Variants in ZBTB46 observed in about 807,000 individuals in gnomAD.
The protein encoded by ZBTB46 is zinc finger and BTB domain containing 46.
Under a neutral mutation model 44.1 loss-of-function variants are expected in ZBTB46, and 8 were observed. The ratio of observed to expected loss-of-function variants is 0.18; its 90% confidence interval spans 0.11 to 0.33. The LOEUF is 0.33. Ranked by LOEUF, ZBTB46 falls within the 10% of genes least tolerant of loss-of-function variation. The probability of loss-of-function intolerance (pLI) is 1.00; values close to 1 mark genes in which losing one functional copy is unlikely to be tolerated. For synonymous variants in ZBTB46, 409 were observed against 382.3 expected, an observed-to-expected ratio of 1.07 and a Z score of -0.81; for missense variants, 651 against 847.7, an observed-to-expected ratio of 0.77 and a Z score of 2.88.
chr20:63,816,097 G>C (rs1282527392), intron 1 of ZBTB46, among the ~76,000 whole-genome samples: 2 of 147,812 alleles, frequency 1.4e-5, no homozygotes. Context: ...CACAGGTGCA[G>C]TGGGCGCAGG....
intron 1 of ZBTB46, among the ~76,000 whole-genome samples, chr20:63,828,324 G>C (rs891332028): frequency 6.6e-6 from 1 of 152,240 alleles, no homozygotes; most frequent in Admixed American, 6.5e-5. Context: ...CGCGGCAGAC[G>C]GCAAGAGGAC....
At chr20:63,782,861 G>C (rs944089197) in intron 2 of ZBTB46, among the ~76,000 whole-genome samples, 3 of 152,268 alleles carry the variant, frequency 2.0e-5, no homozygotes, top group Non-Finnish European at 2.9e-5. Flanking sequence ...CCAGCACCAT[G>C]GGAGGCCCAG....
chr20:63,815,835 G>A (rs1195105958), intron 1 of ZBTB46, among the ~76,000 whole-genome samples: 1 of 141,762 alleles, frequency 7.1e-6, no homozygotes, highest in Non-Finnish European at 1.5e-5. Flanking sequence ...GTGCAGGTGA[G>A]CACAGGTGCA....
At chr20:63,765,023 ATTC>A (rs1243073631) in intron 3 of ZBTB46, among the ~76,000 whole-genome samples, 1 of 124,562 alleles carries the variant, frequency 8.0e-6, no homozygotes, top group Admixed American at 8.6e-5. Context: ...GGTTCAAGTG[ATTC>A]TTGTGTGTGT....
chr20:63,763,642 C>A (rs2092295326), intron 3 of ZBTB46, among the ~76,000 whole-genome samples: 1 of 152,210 alleles, frequency 6.6e-6, no homozygotes. Flanking sequence ...TCCCACCAGG[C>A]ACCACGTCCA....
At chr20:63,820,037 C>T (rs1413991436) in intron 1 of ZBTB46, among the ~76,000 whole-genome samples, 3 of 152,154 alleles carry the variant, frequency 2.0e-5, no homozygotes, top group South Asian at 2.1e-4. Flanking sequence ...CAGTGTATGA[C>T]GTTAGCAACG....
Position 63,789,957 on chromosome 20 carries a change from C to G in ZBTB46, c.801G>C (p.Thr267=). Residue 267 remains threonine, a synonymous_variant, in exon 2 of 5, where the codon ACG becomes ACC. Transcript: ENST00000245663. ...TGTTTTTCCGATTCTTCCTTCGGCC[C>G]GTGGGCTGCCAGGCATCACCAGCAC... ...EQSAGDAWQP[T]GRRKNRKNKE... is the part of the protein sequence containing the mutation. 1 of 1,614,124 alleles carries G rather than the reference C, an allele frequency of 6.2e-7. No individual in the cohort carries two copies. The highest frequency in any genetic ancestry group is 8.5e-7 in the Non-Finnish European group (1 of 1,180,042).
chr20:63,789,323 A>G (rs2092540658), intron 2 of ZBTB46, among the ~76,000 whole-genome samples: 1 of 152,170 alleles, frequency 6.6e-6, no homozygotes, highest in African/African-American at 2.4e-5. Flanking sequence ...GTTTCCATTC[A>G]ACATTCACTA....
chr20:63,794,819 C>CCACAAAACACACCGCTGTT, intron 1 of ZBTB46, among the ~76,000 whole-genome samples: 1 of 152,252 alleles, frequency 6.6e-6, no homozygotes, highest in East Asian at 2.0e-4. Context: ...ACACCCCTGG[C>CCACAAAACACACCGCTGTT]CACAGGACAC....
chr20:63,791,194 GA>G (rs1384617268), intron 1 of ZBTB46, among the ~76,000 whole-genome samples: 1 of 152,140 alleles, frequency 6.6e-6, no homozygotes, highest in Non-Finnish European at 1.5e-5. Flanking sequence ...CATTCTTAAG[GA>G]AAAAGAATAA....
rs1328469265 is a variant in ZBTB46 at position 63,803,964 on chromosome 20, G to C, written c.-33-13174C>G. On this transcript the variant is annotated intron_variant, in intron 1 of 4. Transcript: ENST00000245663. The surrounding 1 kb of genome is among the most constrained non-coding windows in gnomAD (Gnocchi z 4.0). ...ACCTGCCGCCCTGGCTTCTCAAAGC[G>C]CTGGGATGATAGGCGTGAGCCACTG... Among the ~76,000 whole-genome samples the C allele has an allele frequency of 6.6e-6, 1 of 152,196 alleles. No individual in the cohort carries two copies. Among genetic ancestry groups the C allele is most frequent in the South Asian group, 2.1e-4 (1 of 4,832 alleles).
At chr20:63,814,423 AAAT>A (rs1381728006) in intron 1 of ZBTB46, among the ~76,000 whole-genome samples, 1 of 152,178 alleles carries the variant, frequency 6.6e-6, no homozygotes, top group Non-Finnish European at 1.5e-5. Context: ...TTAGGTTTTA[AAAT>A]AATAATATAA....
intron 1 of ZBTB46, among the ~76,000 whole-genome samples, chr20:63,807,037 C>T (rs2092686129): frequency 6.6e-6 from 1 of 152,186 alleles, no homozygotes; most frequent in South Asian, 2.1e-4. Context: ...CTGCCTCGGC[C>T]TCCCAAAGTG....
chr20:63,760,263 A>C (rs2092261503), intron 3 of ZBTB46, among the ~76,000 whole-genome samples: 2 of 152,218 alleles, frequency 1.3e-5, no homozygotes, highest in African/African-American at 4.8e-5. Context: ...CTCTGTGGGA[A>C]GGCTTTAAAG....
Position 63,747,275 on chromosome 20 carries a change from C to G in ZBTB46, c.1425G>C (p.Val475=), listed in dbSNP as rs1425705218. 6.6e-7 allele frequency: 1 copy of G among 1,512,290 alleles called. No homozygotes were observed. The highest frequency in any genetic ancestry group is 8.8e-7 in the Non-Finnish European group (1 of 1,130,606). The allele number at this position is 1,512,290 out of a possible 1,614,324, so 93.7% of individuals were successfully genotyped here. A position where few individuals can be genotyped will look rare whatever the true frequency, so the allele number is the denominator to read the frequency against. The change falls in exon 5 of 5, where the codon GTG becomes GTC. Residue 475 remains valine (V), a synonymous_variant. Coordinates refer to ENST00000245663, the MANE Select transcript of ZBTB46 (RefSeq NM_001369741.1). Reference sequence around the variant, plus strand: ...TGAAGACGCGGCTGCACACCTTGCACACATACTTCTTGTCCTTGCTGTGGA... The same window carrying G: ...TGAAGACGCGGCTGCACACCTTGCAGACATACTTCTTGTCCTTGCTGTGGA... ...TLVHSKDKKY[V]CKVCSRVFMS... is the part of the protein sequence containing the mutation.
In ZBTB46 at chr20:63,745,018, C is replaced by CAA. The variant is rs1351398003; in HGVS notation, c.*1910_*1911dup. 1 of 152,302 alleles carries CAA rather than the reference C, an allele frequency of 6.6e-6. No homozygotes were observed. The highest frequency in any genetic ancestry group is 1.5e-5 in the Non-Finnish European group (1 of 68,036). The allele number at this position is 152,302 out of a possible 1,614,324, so 9.4% of individuals were successfully genotyped here. On this transcript the variant is annotated 3_prime_UTR_variant, in exon 5 of 5. Coordinates refer to ENST00000245663, the MANE Select transcript of ZBTB46 (RefSeq NM_001369741.1). ...GGGTTTAAAAATCAGGGGAAAGGTA[C>CAA]AAAGTTCTGAGAATTCTCAAAGAGG...
chr20:63,804,543 C>T (rs2092669370), intron 1 of ZBTB46, among the ~76,000 whole-genome samples: 1 of 152,150 alleles, frequency 6.6e-6, no homozygotes, highest in African/African-American at 2.4e-5. Flanking sequence ...TCCTCTCAGC[C>T]CAGGGACCAC....
chr20:63,804,269 T>C (rs1256948520), intron 1 of ZBTB46, among the ~76,000 whole-genome samples: 1 of 151,890 alleles, frequency 6.6e-6, no homozygotes, highest in African/African-American at 2.4e-5. Context: ...GTGGCAGGGG[T>C]GCCTCCAGAT....
intron 1 of ZBTB46, among the ~76,000 whole-genome samples, chr20:63,813,402 CTG>C (rs2092729049): frequency 6.6e-6 from 1 of 150,718 alleles, no homozygotes; most frequent in African/African-American, 2.4e-5. Context: ...TGAGCTGAGA[CTG>C]TGCCACTATA....
Sources: allele counts gnomAD v4.1 joint callset (sites outside exome capture counted in the v4.1 genomes callset), GRCh38; gene constraint gnomAD v4.1.1; non-coding constraint Gnocchi (gnomAD v3.1); transcripts MANE v1.5; gene names NCBI Gene and HGNC (gene_info 2026-07-23, HGNC 2026-07-21).